Variants in AASDHPPT observed in about 807,000 individuals in gnomAD.
AASDHPPT encodes the protein L-aminoadipate-semialdehyde dehydrogenase-phosphopantetheinyl transferase.
A neutral mutation model predicts 36.4 loss-of-function variants in AASDHPPT; 23 were observed. The ratio of observed to expected loss-of-function variants is 0.63; its 90% CI spans 0.45 to 0.89. AASDHPPT has a LOEUF of 0.89. AASDHPPT is among the 40% of genes least tolerant of loss of function. The probability of loss-of-function intolerance (pLI) is 0.00; values close to 1 mark genes in which losing one functional copy is unlikely to be tolerated. For synonymous variants in AASDHPPT, 115 were observed against 128.0 expected (o/e 0.90, Z 0.68); for missense variants, 377 against 378.2 (o/e 1.00, Z 0.03).
chr11:106,085,258 C>G (rs896870334), intron 2 of AASDHPPT, among the ~76,000 whole-genome samples: 1 of 152,038 alleles, frequency 6.6e-6, no homozygotes, highest in Non-Finnish European at 1.5e-5. Flanking sequence ...CTTGCCACGA[C>G]GCCCGGCTAA....
intron 2 of AASDHPPT, among the ~76,000 whole-genome samples, chr11:106,083,518 C>G (rs1158881136): frequency 1.3e-5 from 2 of 152,112 alleles, no homozygotes; most frequent in African/African-American, 4.8e-5. Context: ...TATGGAAGAA[C>G]TAATGACTAG....
chr11:106,090,117 A>G (rs1391546837), intron 2 of AASDHPPT, among the ~76,000 whole-genome samples: 1 of 152,060 alleles, frequency 6.6e-6, no homozygotes, highest in Non-Finnish European at 1.5e-5. Flanking sequence ...TAACAAAATA[A>G]AACTTTAGAA....
At chr11:106,085,565 G>A (rs2135039495) in intron 2 of AASDHPPT, among the ~76,000 whole-genome samples, 1 of 152,298 alleles carries the variant, frequency 6.6e-6, no homozygotes, top group East Asian at 1.9e-4. Context: ...AAATTTGACA[G>A]ACAAAGGTTA....
chr11:106,091,077 T>A (rs76724662), intron 3 of AASDHPPT, among the ~76,000 whole-genome samples: 13,880 of 152,102 alleles, frequency 0.091, 660 homozygotes, highest in Middle Eastern at 0.17. Flanking sequence ...GAGGAAGGTA[T>A]TGTTATCATC....
chr11:106,081,881 T>G (rs919783702), intron 2 of AASDHPPT, among the ~76,000 whole-genome samples: 3 of 151,698 alleles, frequency 2.0e-5, no homozygotes, highest in African/African-American at 7.3e-5. Flanking sequence ...GGGGGAGGGA[T>G]AGCATTAGGA....
chr11:106,078,118 T>A (rs1861084236), intron 1 of AASDHPPT, among the ~76,000 whole-genome samples: 1 of 152,238 alleles, frequency 6.6e-6, no homozygotes, highest in Admixed American at 6.5e-5. Context: ...CTGTAAACAT[T>A]ATCTCTTTCC....
chr11:106,079,822 A>T (rs1861115442), intron 2 of AASDHPPT, 130 bp downstream of exon 2: 4 of 712,984 alleles, frequency 5.6e-6, no homozygotes, highest in Non-Finnish European at 9.3e-6. Context: ...TAGTACACAA[A>T]GGTAATGGAG....
chr11:106,098,132 G>C lies in AASDHPPT; in HGVS notation c.*1225G>C, dbSNP rs192927390. 22 of 151,880 alleles carry C rather than the reference G, an allele frequency of 1.4e-4. No homozygotes were observed. The highest frequency in any genetic ancestry group is 2.9e-4 in the Non-Finnish European group (20 of 67,926). 9.4% of individuals were successfully genotyped at this position (151,880 alleles called of 1,614,324 possible). On this transcript the variant is annotated 3_prime_UTR_variant, in exon 6 of 6. Transcript: ENST00000278618. The stretch of plus-strand genomic sequence containing the variant: ...CCAGAATACTCCTTGGTCAATTGTA[G>C]GTATTCTTTTTGGTTTAATTTTTGC...
intron 2 of AASDHPPT, chr11:106,089,597 T>C (rs1390930473): frequency 6.6e-6 from 1 of 152,076 alleles, no homozygotes; most frequent in Non-Finnish European, 1.5e-5. Flanking sequence ...CAATTTACTT[T>C]TAATATTAGT....
Position 106,079,123 on chromosome 11 carries a change from A to G in AASDHPPT, c.184-344A>G, listed in dbSNP as rs146886735. On this transcript the variant is annotated intron_variant, in intron 1 of 5. Coordinates refer to ENST00000278618, the MANE Select transcript of AASDHPPT (RefSeq NM_015423.3). ...CCCAATACTTATAAATTTAAAGCTT[A>G]TATGTGGTAGAATACTGCATAAGTA... is the stretch of plus-strand genomic sequence containing the variant. 2.6e-5 allele frequency among the ~76,000 whole-genome samples: 4 copies of G among 152,346 alleles called. No individual in the cohort carries two copies. In the East Asian group the frequency reaches 7.7e-4, roughly 29 times the overall value.
In AASDHPPT at chr11:106,079,644, G is replaced by A; in HGVS notation, c.361G>A (p.Glu121Lys). 6.2e-7 allele frequency: 1 copy of A among 1,614,136 alleles called. No individual in the cohort carries two copies. The highest frequency in any genetic ancestry group is 8.5e-7 in the Non-Finnish European group (1 of 1,180,010). The change falls in exon 2 of 6, where the codon GAA becomes AAA. Residue 121 changes from glutamate to lysine, a missense_variant. By Grantham distance (56) the Glu-to-Lys change is moderately conservative. Transcript: ENST00000278618. ...AGGAGACTATGCAGTGCTTGCTGCT[G>A]AACCTGAGCTGCAAGTTGGAATTGA... ...HQGDYAVLAA[E>K]PELQVGIDIM...
intron 2 of AASDHPPT, among the ~76,000 whole-genome samples, chr11:106,085,605 A>T: frequency 6.6e-6 from 1 of 152,344 alleles, no homozygotes; most frequent in East Asian, 1.9e-4. Flanking sequence ...TGCCCCTCTA[A>T]ATATCGATGG....
chr11:106,086,480 C>G (rs1037353706), intron 2 of AASDHPPT: 3 of 152,254 alleles, frequency 2.0e-5, no homozygotes, highest in Non-Finnish European at 4.4e-5. Flanking sequence ...AGGTCACATT[C>G]TAAGGTTCTG....
At chr11:106,082,850 A>G (rs560944882) in intron 2 of AASDHPPT, among the ~76,000 whole-genome samples, 54 of 152,258 alleles carry the variant, frequency 3.5e-4, no homozygotes, top group African/African-American at 9.9e-4. Flanking sequence ...TACCATTAAA[A>G]GTGTTTGAAG....
intron 4 of AASDHPPT, chr11:106,092,609 C>T (rs955636085): frequency 6.6e-6 from 1 of 151,970 alleles, no homozygotes; most frequent in South Asian, 2.1e-4. Flanking sequence ...ATTGAAACCA[C>T]AAGAAGTTAG....
chr11:106,084,934 A>G (rs941476065), intron 2 of AASDHPPT, among the ~76,000 whole-genome samples: 3 of 152,146 alleles, frequency 2.0e-5, no homozygotes, highest in Admixed American at 6.5e-5. Flanking sequence ...TATTTAAACA[A>G]TATTCCCAGC....
rs769404275 is a variant in AASDHPPT at position 106,079,522 on chromosome 11, A to AT, written c.240dup (p.His81SerfsTer28). 8.3e-5 allele frequency: 134 copies of AT among 1,613,986 alleles called. No individual in the cohort carries two copies. Among genetic ancestry groups the AT allele is most frequent in the Non-Finnish European group, 1.1e-4 (132 of 1,179,994 alleles). On this transcript the variant is annotated frameshift_variant, in exon 2 of 6. Coordinates refer to ENST00000278618, the MANE Select transcript of AASDHPPT (RefSeq NM_015423.3). LOFTEE classifies it high-confidence loss of function. ...GCAGAGAAATTGAATATCCCTTGGA[A>AT]TCATATTCGTTTGCAAAGAACTGCA... is the stretch of plus-strand genomic sequence containing the variant.
chr11:106,084,254 GTTAAAA>G (rs1210859427), intron 2 of AASDHPPT, among the ~76,000 whole-genome samples: 1 of 152,096 alleles, frequency 6.6e-6, no homozygotes, highest in East Asian at 1.9e-4. Flanking sequence ...GGAAAATAAT[GTTAAAA>G]TTGAAAATAC....
At chr11:106,090,523 ACTGCT>A in intron 2 of AASDHPPT, 29 bp from the exon 3 acceptor site, 1 of 1,520,256 alleles carries the variant, frequency 6.6e-7, no homozygotes, top group Non-Finnish European at 8.8e-7. Context: ...TTTTAATAGA[ACTGCT>A]ATTTAATTTT....
Sources: allele counts gnomAD v4.1 joint callset (sites outside exome capture counted in the v4.1 genomes callset), GRCh38; gene constraint gnomAD v4.1.1; transcripts MANE v1.5; gene names NCBI Gene and HGNC (gene_info 2026-07-23, HGNC 2026-07-21).